The following MGAT4C variants were observed in gnomAD, a reference collection of about 807,000 sequenced individuals.
MGAT4C encodes the protein MGAT4 family member C.
A neutral mutation model predicts 40.1 loss-of-function variants in MGAT4C; 19 were observed. The ratio of observed to expected loss-of-function variants is 0.47; its 90% CI spans 0.33 to 0.70. MGAT4C has a LOEUF of 0.70. Among genes scored for constraint, MGAT4C ranks in the 30% least tolerant of loss-of-function variants. The pLI is 0.02. For missense variants in MGAT4C, 491 were observed against 563.2 expected, an observed-to-expected ratio of 0.87 and a Z score of 1.30; for synonymous variants, 181 against 187.1, an observed-to-expected ratio of 0.97 and a Z score of 0.27.
intron 2 of MGAT4C, among the ~76,000 whole-genome samples, chr12:85,998,804 G>A (rs1014081531): frequency 1.3e-5 from 2 of 152,088 alleles, no homozygotes; most frequent in Non-Finnish European, 2.9e-5. Context: ...AATTTTCCAT[G>A]TTTTTCTATC....
In MGAT4C at chr12:86,457,858, TC is replaced by T. The variant is rs553881932; in HGVS notation, c.-228-22594del. ...AATAAATAAAATCACAAGTTTTTTT[TC>T]TTTCACCTCTCTCTAACTTCATGTG... is the stretch of plus-strand genomic sequence containing the variant. On this transcript the variant is annotated intron_variant, in intron 2 of 7. Coordinates refer to the MGAT4C transcript ENST00000548651. Among the ~76,000 whole-genome samples the T allele has an allele frequency of 4.0e-3, 610 of 151,482 alleles. 9 individuals are homozygous for T. Among genetic ancestry groups the T allele is most frequent in the African/African-American group, 0.014 (579 of 40,834 alleles).
Position 86,211,794 on chromosome 12 carries a change from G to GT in MGAT4C, c.-57+44444dup, listed in dbSNP as rs923249337. 1.4e-3 allele frequency among the ~76,000 whole-genome samples: 201 copies of GT among 147,442 alleles called. 3 individuals are homozygous for GT. The highest frequency in any genetic ancestry group is 1.8e-3 in the East Asian group (9 of 4,976). ...TTTTGTTGCTGGTTTTTGTTGTTTT[G>GT]TTTTTTTTTTCCTACATGACTTTGT... is the stretch of plus-strand genomic sequence containing the variant. On this transcript the variant is annotated intron_variant, in intron 1 of 4. Coordinates refer to ENST00000611864, the MANE Select transcript of MGAT4C (RefSeq NM_001351288.2).
intron 2 of MGAT4C, among the ~76,000 whole-genome samples, chr12:86,563,083 G>A (rs948178647): frequency 2.0e-5 from 3 of 152,104 alleles, no homozygotes; most frequent in East Asian, 1.9e-4. Flanking sequence ...CAACTGGGAT[G>A]GTCCAGAAGA....
At chr12:86,518,612 G>A (rs1958738953) in intron 2 of MGAT4C, among the ~76,000 whole-genome samples, 1 of 152,150 alleles carries the variant, frequency 6.6e-6, no homozygotes, top group Non-Finnish European at 1.5e-5. Context: ...AGCCACTCTG[G>A]CAAACAGTTT....
chr12:86,794,009 TACAAA>T (rs575295768), intron 1 of MGAT4C, among the ~76,000 whole-genome samples: 30 of 151,972 alleles, frequency 2.0e-4, no homozygotes, highest in Non-Finnish European at 3.5e-4. Flanking sequence ...AATATTTTTA[TACAAA>T]TACAGCCCTC....
chr12:86,492,753 T>C (rs1418665413), intron 2 of MGAT4C, among the ~76,000 whole-genome samples: 1 of 152,094 alleles, frequency 6.6e-6, no homozygotes, highest in East Asian at 1.9e-4. Flanking sequence ...ACTTCATGTT[T>C]AAAACACCAA....
intron 1 of MGAT4C, among the ~76,000 whole-genome samples, chr12:86,730,420 TAC>T (rs988813367): frequency 9.9e-5 from 15 of 152,066 alleles, no homozygotes; most frequent in African/African-American, 3.4e-4. Flanking sequence ...ACAAACATGC[TAC>T]AGAGTATTTG....
chr12:86,042,776 G>A (rs1411107432), intron 2 of MGAT4C, among the ~76,000 whole-genome samples: 2 of 149,490 alleles, frequency 1.3e-5, no homozygotes, highest in African/African-American at 2.5e-5. Context: ...GCTGAGGCAG[G>A]AGAATGGTGT....
chr12:86,104,388 C>A (rs184755525), intron 1 of MGAT4C, among the ~76,000 whole-genome samples: 1 of 151,964 alleles, frequency 6.6e-6, no homozygotes, highest in Non-Finnish European at 1.5e-5. Context: ...TACAGTGAGC[C>A]GAGATAGTGC....
At chr12:86,659,144 C>T (rs1963920743) in intron 2 of MGAT4C, among the ~76,000 whole-genome samples, 1 of 152,034 alleles carries the variant, frequency 6.6e-6, no homozygotes, top group Non-Finnish European at 1.5e-5. Context: ...TACGCTTCCT[C>T]TAATGTGTTT....
chr12:86,426,914 T>C (rs1350342027), intron 3 of MGAT4C, among the ~76,000 whole-genome samples: 1 of 151,806 alleles, frequency 6.6e-6, no homozygotes, highest in Non-Finnish European at 1.5e-5. Flanking sequence ...GCCACTGCAC[T>C]CCAGCCTGGG....
intron 2 of MGAT4C, among the ~76,000 whole-genome samples, chr12:86,498,335 A>T (rs61950784): frequency 2.6e-5 from 4 of 151,660 alleles, no homozygotes; most frequent in African/African-American, 9.7e-5. Context: ...TTTTTTTCCA[A>T]TAAACACATT....
In MGAT4C at chr12:86,301,638, C is replaced by T. The variant is rs1953815170; in HGVS notation, c.-57+32427G>A. On this transcript the variant is annotated intron_variant, in intron 4 of 7. Transcript: ENST00000548651. ...AAGACAAATTATCCTCTATTTTCAT[C>T]TGACCTCTGCATATGGATGTGTGAT... 2.0e-5 allele frequency among the ~76,000 whole-genome samples: 3 copies of T among 152,148 alleles called. No individual in the cohort carries two copies. The South Asian group carries it at 6.2e-4, about 32-fold the overall frequency.
At chr12:86,315,729 T>C (rs1954201585) in intron 4 of MGAT4C, among the ~76,000 whole-genome samples, 1 of 150,780 alleles carries the variant, frequency 6.6e-6, no homozygotes, top group Non-Finnish European at 1.5e-5. Context: ...AAAAGAAAAA[T>C]AAAGAATCCT....
chr12:86,056,977 T>C (rs951024449), intron 1 of MGAT4C, among the ~76,000 whole-genome samples: 1 of 152,138 alleles, frequency 6.6e-6, no homozygotes, highest in Admixed American at 6.6e-5. Context: ...ATAAACATAC[T>C]AATATTGGAG....
In MGAT4C at chr12:86,818,969, G is replaced by T. The variant is rs78249245; in HGVS notation, c.-262+19697C>A. Among the ~76,000 whole-genome samples the T allele has an allele frequency of 5.3e-5, 8 of 151,052 alleles. No individual in the cohort carries two copies. The East Asian group carries it at 1.6e-3, about 29-fold the overall frequency. On this transcript the variant is annotated intron_variant, in intron 1 of 7. Transcript: ENST00000548651. ...TCTCAGCTATATACCCACTAGAAGGGTGACAACTTAAAAATCTTAAAGTCA... is the reference window on the plus strand; with the variant it reads ...TCTCAGCTATATACCCACTAGAAGGTTGACAACTTAAAAATCTTAAAGTCA...
At chr12:86,249,398 T>C (rs1039882121) in intron 1 of MGAT4C, among the ~76,000 whole-genome samples, 15 of 152,196 alleles carry the variant, frequency 9.9e-5, no homozygotes, top group South Asian at 4.1e-4. Flanking sequence ...ATTAATGAAG[T>C]AGAATGTGTT....
chr12:86,616,629 A>G (rs1269754791), intron 2 of MGAT4C, among the ~76,000 whole-genome samples: 2 of 152,132 alleles, frequency 1.3e-5, no homozygotes, highest in African/African-American at 4.8e-5. Context: ...TTTACACAGT[A>G]CATGCTACTC....
At position 86,818,934 on chromosome 12, in the gene MGAT4C, C is replaced by G. The variant is rs114892019; in HGVS notation, c.-262+19732G>C. Among the ~76,000 whole-genome samples, 589 of 151,046 alleles carry G rather than the reference C, an allele frequency of 3.9e-3. 1 individual carries two copies. Among genetic ancestry groups the G allele is most frequent in the African/African-American group, 0.014 (576 of 41,444 alleles). The stretch of plus-strand genomic sequence containing the variant: ...TGAATAAATGCTGACTACCAGCATG[C>G]AAATTAAAATCTCAGCTATATACCC... On this transcript the variant is annotated intron_variant, in intron 1 of 7. Transcript: ENST00000548651.
Sources: allele counts gnomAD v4.1 joint callset (sites outside exome capture counted in the v4.1 genomes callset), GRCh38; gene constraint gnomAD v4.1.1; transcripts MANE v1.5; gene names NCBI Gene and HGNC (gene_info 2026-07-23, HGNC 2026-07-21).